Variants in COL19A1 observed in about 807,000 individuals in gnomAD.
COL19A1 encodes collagen type XIX alpha 1 chain, also known as collagen alpha-1(XIX) chain.
A neutral mutation model predicts 190.2 loss-of-function variants in COL19A1; 159 were observed. That is an observed-to-expected ratio of 0.84 (90% CI 0.73 to 0.95). The LOEUF (loss-of-function observed/expected upper bound fraction) is 0.95. COL19A1 is among the 40% of genes least tolerant of loss of function. The probability of loss-of-function intolerance (pLI) is 0.00; values close to 1 mark genes in which losing one functional copy is unlikely to be tolerated. For synonymous variants in COL19A1, 509 were observed against 458.9 expected (o/e 1.11, Z -1.39); for missense variants, 1,418 against 1,431.9 (o/e 0.99, Z 0.16).
intron 6 of COL19A1, among the ~76,000 whole-genome samples, 182 bp downstream of exon 6, chr6:69,929,882 A>C (rs191589256): frequency 6.6e-6 from 1 of 152,174 alleles, no homozygotes; most frequent in Non-Finnish European, 1.5e-5. Flanking sequence ...GTATTTTCAC[A>C]TGTATTATTT....
At chr6:70,138,078 C>G (rs980160660) in intron 19 of COL19A1, among the ~76,000 whole-genome samples, 7 of 152,156 alleles carry the variant, frequency 4.6e-5, no homozygotes, top group Admixed American at 1.3e-4. Context: ...TGAGTTGATT[C>G]TAGAACCTAA....
At chr6:70,031,501 C>G (rs1005752060) in intron 12 of COL19A1, among the ~76,000 whole-genome samples, 1 of 152,054 alleles carries the variant, frequency 6.6e-6, no homozygotes, top group African/African-American at 2.4e-5. Context: ...TATTTTTACA[C>G]TTTCTACCTC....
At chr6:70,066,743 T>C (rs1166749022) in intron 14 of COL19A1, among the ~76,000 whole-genome samples, 1 of 152,064 alleles carries the variant, frequency 6.6e-6, no homozygotes, top group Non-Finnish European at 1.5e-5. Flanking sequence ...AAAGGTCATA[T>C]TATAAAAATG....
chr6:69,870,745 A>G (rs762209336), intron 1 of COL19A1, among the ~76,000 whole-genome samples: 3 of 152,174 alleles, frequency 2.0e-5, no homozygotes, highest in Non-Finnish European at 4.4e-5. Flanking sequence ...GGGAGGTGGA[A>G]ATAAAGGGAA....
chr6:69,895,823 A>G (rs550827321), intron 2 of COL19A1, among the ~76,000 whole-genome samples: 5 of 152,174 alleles, frequency 3.3e-5, no homozygotes, highest in Non-Finnish European at 5.9e-5. Flanking sequence ...TTTTATGGCT[A>G]TACAGTTTTT....
intron 11 of COL19A1, among the ~76,000 whole-genome samples, chr6:69,988,684 A>G (rs1418693555): frequency 6.6e-6 from 1 of 152,130 alleles, no homozygotes; most frequent in Admixed American, 6.6e-5. Flanking sequence ...TGGAGATTCA[A>G]AACAAACCTC....
chr6:70,128,762 T>G (rs923919506), intron 17 of COL19A1, among the ~76,000 whole-genome samples: 1 of 152,210 alleles, frequency 6.6e-6, no homozygotes, highest in African/African-American at 2.4e-5. Flanking sequence ...TAAGTATTGA[T>G]GTAAGAAAGA....
intron 27 of COL19A1, among the ~76,000 whole-genome samples, chr6:70,148,787 C>T (rs145279119): frequency 6.6e-6 from 1 of 152,100 alleles, no homozygotes; most frequent in African/African-American, 2.4e-5. Context: ...ATTAGCCAAA[C>T]GTGGTGGTGG....
chr6:70,199,337 T>G (rs1767401223), intron 48 of COL19A1, among the ~76,000 whole-genome samples: 1 of 152,192 alleles, frequency 6.6e-6, no homozygotes, highest in Non-Finnish European at 1.5e-5. Flanking sequence ...TCCATGCTAG[T>G]GTTCTGTCCA....
intron 41 of COL19A1, among the ~76,000 whole-genome samples, chr6:70,172,840 C>A (rs535781412): frequency 4.6e-5 from 7 of 152,256 alleles, no homozygotes; most frequent in South Asian, 2.1e-4. Context: ...CATGAGGGAA[C>A]TTGCAGCCAG....
intron 11 of COL19A1, among the ~76,000 whole-genome samples, chr6:69,996,047 A>G (rs1407799242): frequency 6.6e-6 from 1 of 152,166 alleles, no homozygotes; most frequent in Non-Finnish European, 1.5e-5. Context: ...ACACAAATTT[A>G]TCTCAAACTT....
chr6:70,021,656 A>G (rs1009112591), intron 11 of COL19A1, among the ~76,000 whole-genome samples: 1 of 152,136 alleles, frequency 6.6e-6, no homozygotes, highest in Non-Finnish European at 1.5e-5. Context: ...GACATCCTCT[A>G]CAACAGCAAT....
At chr6:69,894,431 C>T (rs766903615) in intron 2 of COL19A1, among the ~76,000 whole-genome samples, 5 of 152,200 alleles carry the variant, frequency 3.3e-5, no homozygotes, top group Non-Finnish European at 5.9e-5. Flanking sequence ...TGCATCTGAT[C>T]TGCAGTTTAC....
chr6:69,949,601 G>GA (rs1199977736), intron 9 of COL19A1, among the ~76,000 whole-genome samples: 1 of 151,656 alleles, frequency 6.6e-6, no homozygotes, highest in South Asian at 2.1e-4. Flanking sequence ...TATTTTACAA[G>GA]AAAAATGGTT....
At chr6:69,882,005 T>C (rs1768591273) in intron 2 of COL19A1, among the ~76,000 whole-genome samples, 1 of 152,138 alleles carries the variant, frequency 6.6e-6, no homozygotes. Flanking sequence ...TCACTAACCA[T>C]TTACCGGAGG....
chr6:69,990,441 A>G (rs1213319330), intron 11 of COL19A1, among the ~76,000 whole-genome samples: 1 of 151,976 alleles, frequency 6.6e-6, no homozygotes, highest in African/African-American at 2.4e-5. Context: ...TTCGTTAACA[A>G]TTTGCTGTAG....
rs575453116 is a variant in COL19A1, at chr6:70,079,327, A to G, written c.1224+10851A>G. ...AAGCCTACAGCATTAGGGCTACGGA[A>G]AGAATCTGCAATCAAAAGCCCCTTA... On this transcript the variant is annotated intron_variant, in intron 15 of 50. Transcript: ENST00000620364. Among the ~76,000 whole-genome samples the G allele has an allele frequency of 7.9e-5, 12 of 152,330 alleles. No homozygotes were observed. The East Asian group carries it at 1.2e-3, about 15-fold the overall frequency.
intron 15 of COL19A1, among the ~76,000 whole-genome samples, chr6:70,087,585 G>A (rs933793927): frequency 6.6e-6 from 1 of 151,144 alleles, no homozygotes. Flanking sequence ...TTTACTCTGA[G>A]TAAGGGCCCT....
chr6:70,130,740 A>G (rs1009514164), intron 18 of COL19A1, among the ~76,000 whole-genome samples: 5 of 152,246 alleles, frequency 3.3e-5, no homozygotes, highest in African/African-American at 4.8e-5. Flanking sequence ...GCAGTTGGCT[A>G]TAAGAAAGAG....
Sources: gnomAD v4.1 joint callset for allele counts (sites outside exome capture counted in the v4.1 genomes callset) on GRCh38, gnomAD v4.1.1 for gene constraint, MANE v1.5 for transcripts, NCBI Gene and HGNC (gene_info 2026-07-23, HGNC 2026-07-21) for gene names.